Variants in MTM1 observed in about 807,000 individuals in gnomAD.
MTM1 encodes myotubularin.
A neutral mutation model predicts 52.1 loss-of-function variants in MTM1; 9 were observed. That is an observed-to-expected ratio of 0.17 (90% CI 0.10 to 0.30). The LOEUF (loss-of-function observed/expected upper bound fraction) is 0.30. Among genes scored for constraint, MTM1 ranks in the 10% least tolerant of loss-of-function variants. The pLI is 1.00. For missense variants in MTM1, 277 were observed against 470.7 expected (o/e 0.59, Z 3.81); for synonymous variants, 136 against 163.8 (o/e 0.83, Z 1.29).
At chrX:150,571,990 A>G (rs2038386079) in intron 1 of MTM1, among the ~76,000 whole-genome samples, 1 of 112,253 alleles carries the variant, frequency 8.9e-6, no homozygotes, top group African/African-American at 3.2e-5. Flanking sequence ...GTACCACGAC[A>G]GTCTCATCTT....
At chrX:150,567,724 T>C (rs782227743), upstream of MTM1, among the ~76,000 whole-genome samples, 1 of 111,281 alleles carries the variant, frequency 9.0e-6, no homozygotes, top group East Asian at 2.8e-4. Context: ...TGGATAATTT[T>C]TGTATTTTTA....
At chrX:150,620,424 G>A (rs782746817) in intron 6 of MTM1, among the ~76,000 whole-genome samples, 1 of 112,139 alleles carries the variant, frequency 8.9e-6, no homozygotes, top group Non-Finnish European at 1.9e-5. Context: ...GAATATTCTA[G>A]CCTATCCTCG....
chrX:150,663,593 C>T lies in MTM1; in HGVS notation c.1628C>T (p.Pro543Leu). 1 of 1,209,959 alleles carries T rather than the reference C, an allele frequency of 8.3e-7. No homozygotes were observed. ...GTGAATTACTACATTAGATGGAACC[C>T]CAGGATCAAGCAACAAGTAAGTGAA... Reference protein sequence around the residue: ...LWVNYYIRWNPRIKQQQPNPV... With the variant: ...LWVNYYIRWNLRIKQQQPNPV... Residue 543 changes from proline (P) to leucine (L), a missense_variant, in exon 14 of 15, where the codon CCC becomes CTC. Physicochemically the swap from Pro to Leu is moderately conservative, Grantham distance 98. Around this residue, in one of 4 missense-constraint regions of MTM1, gnomAD observed 51 missense variants for 52.2 expected, o/e 0.98. Coordinates refer to ENST00000370396, the MANE Select transcript of MTM1 (RefSeq NM_000252.3).
At chrX:150,670,049 A>G (rs1348289612) in intron 14 of MTM1, among the ~76,000 whole-genome samples, 1 of 112,005 alleles carries the variant, frequency 8.9e-6, no homozygotes, top group East Asian at 2.8e-4. Flanking sequence ...CTTTCTAGAA[A>G]GTGCTTGCCC....
intron 4 of MTM1, among the ~76,000 whole-genome samples, chrX:150,606,922 C>G (rs1473038082): frequency 3.6e-5 from 3 of 82,868 alleles, no homozygotes; most frequent in African/African-American, 9.0e-5. Flanking sequence ...TCCCTTCCCT[C>G]GGTTCCCTCC....
chrX:150,597,700 T>G (rs77178332), intron 3 of MTM1, among the ~76,000 whole-genome samples: 292 of 111,989 alleles, frequency 2.6e-3, no homozygotes, highest in Non-Finnish European at 4.2e-3. Context: ...CTCCTTATGT[T>G]TATTCTACCA....
At chrX:150,645,127 A>T (rs2039908064) in intron 8 of MTM1, among the ~76,000 whole-genome samples, 1 of 111,690 alleles carries the variant, frequency 9.0e-6, no homozygotes, top group African/African-American at 3.3e-5. Flanking sequence ...TCTCCTAGGC[A>T]TTGGATGTCC....
chrX:150,653,943 T>C (rs1324824164), intron 10 of MTM1, among the ~76,000 whole-genome samples: 1 of 111,711 alleles, frequency 9.0e-6, no homozygotes, highest in Non-Finnish European at 1.9e-5. Flanking sequence ...AGTGGGGACA[T>C]GGCTCATTTC....
chrX:150,629,966 T>C (rs1378062943), intron 6 of MTM1, among the ~76,000 whole-genome samples: 1 of 112,309 alleles, frequency 8.9e-6, no homozygotes, highest in Non-Finnish European at 1.9e-5. Context: ...CCAATAGACA[T>C]TGCCCAGTGA....
At position 150,614,706 on chromosome X, in the gene MTM1, G is replaced by T; in HGVS notation, c.342+7G>T. The stretch of plus-strand genomic sequence containing the variant: ...TCTAGATATTACTTGTAAAGTAAGA[G>T]ATTCGATACTTTCTTATGCAAAGAA... On this transcript the variant is annotated splice_region_variant and intron_variant, in intron 5 of 14. Transcript: ENST00000370396. The T allele has an allele frequency of 1.0e-6, 1 of 961,271 alleles. No individual in the cohort carries two copies. The highest frequency in any genetic ancestry group is 1.5e-6 in the Non-Finnish European group (1 of 670,086). 79.2% of individuals were successfully genotyped at this position (961,271 alleles called of 1,213,427 possible).
At chrX:150,605,363 GT>G (rs1420558812) in intron 4 of MTM1, among the ~76,000 whole-genome samples, 1 of 112,449 alleles carries the variant, frequency 8.9e-6, no homozygotes, top group Non-Finnish European at 1.9e-5. Flanking sequence ...TGCTGGCAGG[GT>G]GAGAAACATG....
At chrX:150,593,428 G>C (rs2038921262) in intron 2 of MTM1, among the ~76,000 whole-genome samples, 1 of 111,856 alleles carries the variant, frequency 8.9e-6, no homozygotes, top group Non-Finnish European at 1.9e-5. Context: ...AACAGAAAAT[G>C]GTTCAAGGTA....
chrX:150,627,921 A>G (rs1384661910), intron 6 of MTM1, among the ~76,000 whole-genome samples: 2 of 112,064 alleles, frequency 1.8e-5, no homozygotes, highest in African/African-American at 6.5e-5. Flanking sequence ...TTTCGTCCAC[A>G]TACTACTTAA....
chrX:150,652,330 C>T (rs887133536), intron 10 of MTM1, among the ~76,000 whole-genome samples: 11 of 108,804 alleles, frequency 1.0e-4, no homozygotes, highest in Non-Finnish European at 1.5e-4. Flanking sequence ...CCCTGGGCAA[C>T]GTAGTGAGAC....
chrX:150,573,100 A>G (rs183028543), intron 1 of MTM1, among the ~76,000 whole-genome samples: 13 of 112,838 alleles, frequency 1.2e-4, no homozygotes, highest in African/African-American at 3.9e-4. Context: ...GACATTTAGT[A>G]AACATTATTT....
At chrX:150,574,297 T>A (rs2038430962) in intron 1 of MTM1, among the ~76,000 whole-genome samples, 2 of 111,761 alleles carry the variant, frequency 1.8e-5, no homozygotes, top group Admixed American at 9.5e-5. Context: ...TGATGGGGAT[T>A]GCCCTTGCTC....
At chrX:150,579,570 A>G (rs1232969257) in intron 1 of MTM1, among the ~76,000 whole-genome samples, 3 of 111,074 alleles carry the variant, frequency 2.7e-5, no homozygotes, top group African/African-American at 9.8e-5. Context: ...ATGGTGGCTC[A>G]CTGTAGCCTC....
At chrX:150,636,082 T>A (rs1480069524) in intron 6 of MTM1, among the ~76,000 whole-genome samples, 1 of 111,754 alleles carries the variant, frequency 8.9e-6, no homozygotes, top group Non-Finnish European at 1.9e-5. Context: ...GAGTTGTTTT[T>A]GTCACCAATT....
chrX:150,571,745 C>T (rs782499317), intron 1 of MTM1, among the ~76,000 whole-genome samples: 59 of 112,282 alleles, frequency 5.3e-4, no homozygotes, highest in African/African-American at 1.7e-3. Context: ...CAGTGTCCTC[C>T]GTTCTTGCAG....
Sources: allele counts gnomAD v4.1 joint callset (sites outside exome capture counted in the v4.1 genomes callset), GRCh38; gene constraint gnomAD v4.1.1; regional missense constraint gnomAD v4.1.1; transcripts MANE v1.5; gene names NCBI Gene and HGNC (gene_info 2026-07-23, HGNC 2026-07-21).